The following NOSTRIN variants were observed in gnomAD, a reference collection of about 807,000 sequenced individuals.
The protein encoded by NOSTRIN is BM247 homolog.
In NOSTRIN, 63 loss-of-function variants were observed where a neutral mutation model predicts 59.0. The ratio of observed to expected loss-of-function variants is 1.07; its 90% CI spans 0.87 to 1.32. The LOEUF (loss-of-function observed/expected upper bound fraction) is 1.32, where lower values mean the gene tolerates loss of function less well. Among genes scored for constraint, NOSTRIN ranks in the 40% most tolerant of loss-of-function variants. The pLI, the probability that NOSTRIN is intolerant of heterozygous loss-of-function variation, is 0.00. For missense variants in NOSTRIN, 512 were observed against 473.1 expected, an observed-to-expected ratio of 1.08 and a Z score of -0.76; for synonymous variants, 200 against 165.4, an observed-to-expected ratio of 1.21 and a Z score of -1.61.
intron 12 of NOSTRIN, among the ~76,000 whole-genome samples, chr2:168,858,942 A>G (rs1689277930): frequency 6.6e-6 from 1 of 152,212 alleles, no homozygotes. Flanking sequence ...ACAGACAGAG[A>G]CTAGGAGTGT....
chr2:168,799,129 T>G (rs111883175), upstream of NOSTRIN, among the ~76,000 whole-genome samples: 5 of 152,304 alleles, frequency 3.3e-5, no homozygotes, highest in Admixed American at 1.3e-4. Context: ...AGGAGCTTCC[T>G]CTTCCTCTTC....
chr2:168,802,401 G>T, upstream of NOSTRIN: 1 of 477,906 alleles, frequency 2.1e-6, no homozygotes, highest in Non-Finnish European at 3.9e-6. Context: ...CCTGCCCTCT[G>T]AGGGTTTACA....
chr2:168,851,299 T>C lies in NOSTRIN; in HGVS notation c.750T>C (p.Cys250=). The C allele has an allele frequency of 6.2e-7, 1 of 1,613,898 alleles. No homozygotes were observed. ...TLTTCHTQIH[C]AISKIDIEKD... is the part of the protein sequence containing the mutation. ...TGCAGTGCCACACGCAGATTCACTG[T>C]GCCATCAGCAAGATTGACATTGAAA... The change falls in exon 10 of 16, where the codon TGT becomes TGC. Residue 250 remains cysteine, a synonymous_variant. Transcript: ENST00000317647.
chr2:168,797,072 C>CTTT (rs1168296049), upstream of NOSTRIN, among the ~76,000 whole-genome samples: 1 of 85,348 alleles, frequency 1.2e-5, no homozygotes, highest in African/African-American at 4.0e-5. Context: ...CTTTCTTTTT[C>CTTT]TTTTTTCTTT....
intron 1 of NOSTRIN, among the ~76,000 whole-genome samples, chr2:168,803,481 C>T (rs186519449): frequency 7.2e-5 from 11 of 151,954 alleles, no homozygotes; most frequent in Admixed American, 2.0e-4. Context: ...AACTGTGGGG[C>T]GGCAGATAAA....
At chr2:168,799,510 G>A (rs141116392), upstream of NOSTRIN, among the ~76,000 whole-genome samples, 1,338 of 152,198 alleles carry the variant, frequency 8.8e-3, 17 homozygotes, top group African/African-American at 0.03. Context: ...TCACCTACCT[G>A]AGCCTCAGTG....
chr2:168,828,406 T>A lies in NOSTRIN; in HGVS notation c.261-14T>A, dbSNP rs1489048936. 2 of 869,056 alleles carry A rather than the reference T, an allele frequency of 2.3e-6. No homozygotes were observed. The highest frequency in any genetic ancestry group is 3.4e-5 in the Admixed American group (2 of 58,214). 53.8% of individuals were successfully genotyped at this position (869,056 alleles called of 1,614,324 possible). On this transcript the variant is annotated splice_polypyrimidine_tract_variant and intron_variant, in intron 4 of 15. Coordinates refer to ENST00000317647, the MANE Select transcript of NOSTRIN (RefSeq NM_001039724.4). Reference sequence around the variant, plus strand: ...TGATATTATGCTTATGTGTCTTTTATGTTTTATTTCCAGAAAACTTGGCAA... The same window carrying A: ...TGATATTATGCTTATGTGTCTTTTAAGTTTTATTTCCAGAAAACTTGGCAA...
In NOSTRIN at chr2:168,818,952, AAT is replaced by A. The variant is rs144968440; in HGVS notation, c.114-5675_114-5674del. On this transcript the variant is annotated intron_variant, in intron 2 of 15. Coordinates refer to ENST00000317647, the MANE Select transcript of NOSTRIN (RefSeq NM_001039724.4). ...ATTCTGAGATCGGGTTGCCTATCAA[AAT>A]ATATATGCATCACCAATTTCACACA... Among the ~76,000 whole-genome samples, 594 of 152,286 alleles carry A rather than the reference AAT, an allele frequency of 3.9e-3. 27 individuals are homozygous for A. The East Asian group carries it at 0.095, about 24-fold the overall frequency.
chr2:168,856,745 G>A lies in NOSTRIN; in HGVS notation c.1020G>A (p.Lys340=). Reference sequence around the variant, plus strand: ...GCACCTCCTCCTTCTCTGATGCAAAGAGCCAGAAAGACACAGCAGCGTTAA... The same window carrying A: ...GCACCTCCTCCTTCTCTGATGCAAAAAGCCAGAAAGACACAGCAGCGTTAA... ...YSSTSSFSDA[K]SQKDTAALMD... The change falls in exon 12 of 16, where the codon AAG becomes AAA. Residue 340 remains lysine, a synonymous_variant. Transcript: ENST00000317647. The A allele has an allele frequency of 6.2e-7, 1 of 1,614,140 alleles. No homozygotes were observed. Among genetic ancestry groups the A allele is most frequent in the Non-Finnish European group, 8.5e-7 (1 of 1,179,994 alleles).
At chr2:168,823,008 C>CGTTTGT (rs1553522999) in intron 2 of NOSTRIN, among the ~76,000 whole-genome samples, 1 of 152,038 alleles carries the variant, frequency 6.6e-6, no homozygotes, top group South Asian at 2.1e-4. Context: ...AGTTGTATTA[C>CGTTTGT]TTTTGTTTTT....
chr2:168,796,434 C>A (rs2105504516), upstream of NOSTRIN, among the ~76,000 whole-genome samples: 1 of 152,318 alleles, frequency 6.6e-6, no homozygotes, highest in African/African-American at 2.4e-5. Context: ...ACTTGGTCTT[C>A]AATACCAGCG....
chr2:168,810,894 G>T (rs1157441379), intron 1 of NOSTRIN, among the ~76,000 whole-genome samples: 1 of 152,176 alleles, frequency 6.6e-6, no homozygotes, highest in African/African-American at 2.4e-5. Flanking sequence ...GGAAGACATT[G>T]TGGAGTTCTA....
chr2:168,830,687 GA>G (rs1396375988), intron 5 of NOSTRIN, among the ~76,000 whole-genome samples: 2 of 152,156 alleles, frequency 1.3e-5, no homozygotes, highest in African/African-American at 4.8e-5. Flanking sequence ...AAAAGCAAGG[GA>G]AAAAGTTAAT....
intron 2 of NOSTRIN, chr2:168,818,269 T>C: frequency 2.4e-6 from 1 of 424,016 alleles, no homozygotes. Context: ...TCCTCTCGCC[T>C]CAGCCTCTCA....
intron 15 of NOSTRIN, among the ~76,000 whole-genome samples, chr2:168,864,106 T>G (rs1341398862): frequency 6.6e-6 from 1 of 152,122 alleles, no homozygotes; most frequent in Non-Finnish European, 1.5e-5. Flanking sequence ...TAGCTGGGAC[T>G]ACAGGCGTGT....
At chr2:168,858,637 G>A (rs1689260817) in intron 12 of NOSTRIN, among the ~76,000 whole-genome samples, 1 of 152,200 alleles carries the variant, frequency 6.6e-6, no homozygotes, top group Admixed American at 6.5e-5. Context: ...AAAGCATGGG[G>A]GAGCTTTTAG....
At chr2:168,831,727 G>A (rs757487976) in intron 6 of NOSTRIN, among the ~76,000 whole-genome samples, 193 bp downstream of exon 6, 1 of 152,170 alleles carries the variant, frequency 6.6e-6, no homozygotes, top group East Asian at 1.9e-4. Context: ...CTCTAACTAT[G>A]ATTATTTAGC....
intron 7 of NOSTRIN, among the ~76,000 whole-genome samples, chr2:168,834,746 T>C (rs1687620401): frequency 6.6e-6 from 1 of 152,022 alleles, no homozygotes; most frequent in African/African-American, 2.4e-5. Context: ...AGACCAATGA[T>C]GCCCACATTT....
chr2:168,791,539 T>C (rs996424419), intron 2 of NOSTRIN, among the ~76,000 whole-genome samples: 2 of 152,220 alleles, frequency 1.3e-5, no homozygotes, highest in African/African-American at 4.8e-5. Context: ...ATAGTATTTC[T>C]AGTTCTAGAT....
Sources: gnomAD v4.1 joint callset for allele counts (sites outside exome capture counted in the v4.1 genomes callset) on GRCh38, gnomAD v4.1.1 for gene constraint, MANE v1.5 for transcripts, NCBI Gene and HGNC (gene_info 2026-07-23, HGNC 2026-07-21) for gene names.